IGSF23: variants seen among roughly 807,000 people sequenced by gnomAD.
IGSF23 encodes immunoglobulin superfamily member 23.
In IGSF23, 14 loss-of-function variants were observed where a neutral mutation model predicts 17.8. The ratio of observed to expected loss-of-function variants is 0.79; its 90% CI spans 0.52 to 1.23. The LOEUF is 1.23. Ranked by LOEUF, IGSF23 falls within the 50% of genes most tolerant of loss-of-function variation. IGSF23 has a pLI of 0.00. For missense variants in IGSF23, 214 were observed against 241.7 expected, an observed-to-expected ratio of 0.89 and a Z score of 0.76; for synonymous variants, 85 against 92.5, an observed-to-expected ratio of 0.92 and a Z score of 0.46.
chr19:44,623,659 C>T (rs1568487226), intron 1 of IGSF23, 48 bp from the exon 2 acceptor site: 3 of 1,526,296 alleles, frequency 2.0e-6, no homozygotes, highest in Non-Finnish European at 2.7e-6. Flanking sequence ...CCCAGCTTTT[C>T]TGAGTGGACT....
rs895360124 is a variant in IGSF23, at chr19:44,613,776, T to A, written c.125+6T>A. The A allele has an allele frequency of 6.5e-7, 1 of 1,550,112 alleles. No homozygotes were observed. Among genetic ancestry groups the A allele is most frequent in the Non-Finnish European group, 8.7e-7 (1 of 1,146,882 alleles). The stretch of plus-strand genomic sequence containing the variant: ...GACTTCCCAGCCAACTTGGTGTAAG[T>A]CATGTGGGGAAGTGGCCAGGGTAGG... On this transcript the variant is annotated splice_donor_region_variant and intron_variant, in intron 1 of 4. Coordinates refer to ENST00000402988, the MANE Select transcript of IGSF23 (RefSeq NM_001205280.2).
chr19:44,616,335 G>C (rs191470570), intron 1 of IGSF23, among the ~76,000 whole-genome samples: 1 of 152,304 alleles, frequency 6.6e-6, no homozygotes. Flanking sequence ...ATTCTATAAT[G>C]AGGAGCAGAC....
chr19:44,635,226 C>T (rs753936805), intron 3 of IGSF23, among the ~76,000 whole-genome samples, 175 bp from the exon 4 acceptor site: 2 of 152,182 alleles, frequency 1.3e-5, no homozygotes, highest in Non-Finnish European at 2.9e-5. Flanking sequence ...CAGGACCCCA[C>T]TCTTATGATC....
chr19:44,616,857 GA>G (rs1188159557), intron 1 of IGSF23, among the ~76,000 whole-genome samples: 1 of 150,974 alleles, frequency 6.6e-6, no homozygotes, highest in Non-Finnish European at 1.5e-5. Flanking sequence ...GAGTATATAT[GA>G]GTAATACCAT....
In IGSF23 at chr19:44,613,703, C is replaced by T; in HGVS notation, c.58C>T (p.Pro20Ser). Residue 20 changes from proline to serine, a missense_variant, in exon 1 of 5, where the codon CCC becomes TCC. By Grantham distance (74) the Pro-to-Ser change is moderately conservative. Coordinates refer to ENST00000402988, the MANE Select transcript of IGSF23 (RefSeq NM_001205280.2). ...GAACCCTGTCCCAGCCTGGTCCCCA[C>T]CCACCACCACCACTGACCCGATGCT... ...PRNPVPAWSP[P>S]TTTTDPMLEK... is the part of the protein sequence containing the mutation. 3 of 1,550,424 alleles carry T rather than the reference C, an allele frequency of 1.9e-6. No homozygotes were observed. Among genetic ancestry groups the T allele is most frequent in the African/African-American group, 2.7e-5 (2 of 73,130 alleles).
chr19:44,629,025 C>G (rs1482407378), intron 3 of IGSF23, among the ~76,000 whole-genome samples: 1 of 152,066 alleles, frequency 6.6e-6, no homozygotes, highest in Non-Finnish European at 1.5e-5. Context: ...AGTGAGGAGC[C>G]CAGGGTGGCC....
At chr19:44,620,341 TTGTGTGTG>T (rs373422531) in intron 1 of IGSF23, among the ~76,000 whole-genome samples, 7,677 of 139,326 alleles carry the variant, frequency 0.055, 234 homozygotes, top group Middle Eastern at 0.13. Context: ...ATGACTAATT[TTGTGTGTG>T]TGTGTGTGTG....
rs113300186 is a variant in IGSF23, at chr19:44,631,060, G to A, written c.545+3487G>A. On this transcript the variant is annotated intron_variant, in intron 3 of 4. Coordinates refer to ENST00000402988, the MANE Select transcript of IGSF23 (RefSeq NM_001205280.2). ...GCTTGAGTCCAGGAGTTTGAGACCA[G>A]CCTGGGCAGCATAGCGAGACTCATG... 3.2e-3 allele frequency among the ~76,000 whole-genome samples: 471 copies of A among 147,548 alleles called. 5 individuals are homozygous for A. Among genetic ancestry groups the A allele is most frequent in the African/African-American group, 0.011 (431 of 39,698 alleles).
At chr19:44,619,575 G>C (rs1199754908) in intron 1 of IGSF23, among the ~76,000 whole-genome samples, 1 of 152,194 alleles carries the variant, frequency 6.6e-6, no homozygotes, top group Non-Finnish European at 1.5e-5. Context: ...TTAATCAACA[G>C]AAACTTATTC....
chr19:44,617,725 A>G (rs1997231), intron 1 of IGSF23, among the ~76,000 whole-genome samples: 82,371 of 151,860 alleles, frequency 0.54, 22,455 homozygotes, highest in East Asian at 0.68. Flanking sequence ...TAAATGGAGC[A>G]AAGCAGATCC....
At chr19:44,622,459 G>A (rs1169473840) in intron 1 of IGSF23, among the ~76,000 whole-genome samples, 2 of 152,104 alleles carry the variant, frequency 1.3e-5, no homozygotes, top group South Asian at 2.1e-4. Context: ...ACTAGACCAC[G>A]AAGCCTGGCC....
intron 1 of IGSF23, among the ~76,000 whole-genome samples, chr19:44,617,594 T>C (rs59135122): frequency 0.17 from 26,187 of 152,224 alleles, 2,446 homozygotes; most frequent in Middle Eastern, 0.32. Flanking sequence ...TATAACTTAA[T>C]CAGTGTCCAG....
intron 3 of IGSF23, chr19:44,632,384 C>A: frequency 6.2e-6 from 1 of 160,256 alleles, no homozygotes; most frequent in South Asian, 1.6e-4. Context: ...GAGTGGTTGT[C>A]CCGCTTTCCT....
At chr19:44,613,995 C>G (rs752227492) in intron 1 of IGSF23, 1 of 1,519,494 alleles carries the variant, frequency 6.6e-7, no homozygotes, top group Non-Finnish European at 8.9e-7. Flanking sequence ...TTAACAGGTG[C>G]GTTGGAGACA....
Position 44,620,380 on chromosome 19 carries a change from TGTGTGA to T in IGSF23, c.126-3325_126-3320del, listed in dbSNP as rs1452986920. ...GTGTGTGTGTGTGTGTGTGTGTGTGTGTGTGAGATGGAGCCTCGCTCTGTCGCCCAG... is the reference window on the plus strand; with the variant it reads ...GTGTGTGTGTGTGTGTGTGTGTGTGTGATGGAGCCTCGCTCTGTCGCCCAG... On this transcript the variant is annotated intron_variant, in intron 1 of 4. Coordinates refer to ENST00000402988, the MANE Select transcript of IGSF23 (RefSeq NM_001205280.2). 5.1e-4 allele frequency among the ~76,000 whole-genome samples: 71 copies of T among 138,886 alleles called. 1 individual carries two copies. The highest frequency in any genetic ancestry group is 4.6e-3 in the Admixed American group (64 of 13,768). The allele number at this position is 138,886 out of a possible 152,430, so 91.1% of individuals were successfully genotyped here.
intron 1 of IGSF23, among the ~76,000 whole-genome samples, chr19:44,618,715 C>T (rs915829990): frequency 6.6e-6 from 1 of 152,088 alleles, no homozygotes; most frequent in Admixed American, 6.6e-5. Flanking sequence ...AGCAGGCTAT[C>T]CCAGGCTTGT....
At chr19:44,631,572 T>C (rs1005771680) in intron 3 of IGSF23, among the ~76,000 whole-genome samples, 2 of 152,048 alleles carry the variant, frequency 1.3e-5, no homozygotes, top group Admixed American at 6.5e-5. Context: ...CACAGAAATA[T>C]AGAAGTGTGA....
chr19:44,617,830 C>T (rs1972419802), intron 1 of IGSF23, among the ~76,000 whole-genome samples: 2 of 152,138 alleles, frequency 1.3e-5, no homozygotes, highest in Non-Finnish European at 2.9e-5. Flanking sequence ...GGACTAATCC[C>T]TTCAAGCTTA....
intron 1 of IGSF23, among the ~76,000 whole-genome samples, chr19:44,614,860 C>T (rs1972334702): frequency 6.6e-6 from 1 of 152,182 alleles, no homozygotes; most frequent in South Asian, 2.1e-4. Flanking sequence ...TGTGCCCTCT[C>T]CAGGTCACAC....
Sources: gnomAD v4.1 joint callset for allele counts (sites outside exome capture counted in the v4.1 genomes callset) on GRCh38, gnomAD v4.1.1 for gene constraint, MANE v1.5 for transcripts, NCBI Gene and HGNC (gene_info 2026-07-23, HGNC 2026-07-21) for gene names.